The following SLC35D2 variants were observed in gnomAD, a reference collection of about 807,000 sequenced individuals.
The protein encoded by SLC35D2 is nucleotide sugar transporter SLC35D2.
In SLC35D2, 43 loss-of-function variants were observed where a neutral mutation model predicts 41.8. The ratio of observed to expected loss-of-function variants is 1.03; its 90% CI spans 0.81 to 1.33. The LOEUF (loss-of-function observed/expected upper bound fraction) is 1.33, where lower values mean the gene tolerates loss of function less well. Ranked by LOEUF, SLC35D2 falls within the 40% of genes most tolerant of loss-of-function variation. SLC35D2 has a pLI of 0.00. For missense variants in SLC35D2, 380 were observed against 408.4 expected, an observed-to-expected ratio of 0.93 and a Z score of 0.60; for synonymous variants, 150 against 163.9, an observed-to-expected ratio of 0.92 and a Z score of 0.65.
chr9:96,349,420 C>G (rs10122107), intron 6 of SLC35D2, among the ~76,000 whole-genome samples: 35,859 of 152,138 alleles, frequency 0.24, 5,910 homozygotes, highest in African/African-American at 0.48. Flanking sequence ...TATAGAAGCA[C>G]CTGCACCCCA....
intron 2 of SLC35D2, 75 bp downstream of exon 2, chr9:96,368,197 A>T: frequency 1.6e-6 from 2 of 1,253,428 alleles, no homozygotes; most frequent in Non-Finnish European, 2.3e-6. Flanking sequence ...CCACAGCTTT[A>T]AACAAAAGGA....
intron 1 of SLC35D2, among the ~76,000 whole-genome samples, chr9:96,376,780 A>G (rs1346999359): frequency 2.6e-5 from 4 of 151,258 alleles, no homozygotes; most frequent in Non-Finnish European, 5.9e-5. Context: ...TAATTTTTGT[A>G]TTTTTAGTAG....
intron 9 of SLC35D2, among the ~76,000 whole-genome samples, chr9:96,333,622 G>A (rs1465248222): frequency 6.7e-6 from 1 of 150,218 alleles, no homozygotes; most frequent in Admixed American, 6.6e-5. Flanking sequence ...AAAAAAGTAT[G>A]CAATTGTAGA....
intron 1 of SLC35D2, among the ~76,000 whole-genome samples, chr9:96,381,490 A>C (rs1452517154): frequency 1.3e-5 from 2 of 151,452 alleles, no homozygotes; most frequent in Non-Finnish European, 2.9e-5. Flanking sequence ...TCCCCACCTC[A>C]CTCTGGTCTT....
chr9:96,374,261 T>C (rs1489803343), intron 1 of SLC35D2, among the ~76,000 whole-genome samples: 1 of 152,166 alleles, frequency 6.6e-6, no homozygotes, highest in Non-Finnish European at 1.5e-5. Context: ...CCGGGTGTGG[T>C]GGCTCACGCA....
chr9:96,348,887 G>A (rs569262068), intron 6 of SLC35D2, among the ~76,000 whole-genome samples: 42 of 152,284 alleles, frequency 2.8e-4, no homozygotes, highest in African/African-American at 9.9e-4. Context: ...TAACTGAAGG[G>A]CCATTCCTCA....
At chr9:96,317,586 C>T (rs2130816798), downstream of SLC35D2, among the ~76,000 whole-genome samples, 1 of 152,256 alleles carries the variant, frequency 6.6e-6, no homozygotes, top group South Asian at 2.1e-4. Context: ...TCTTAAAACA[C>T]ATCTTTAAGA....
intron 8 of SLC35D2, among the ~76,000 whole-genome samples, chr9:96,338,635 T>C (rs1829165681): frequency 6.6e-6 from 1 of 152,230 alleles, no homozygotes; most frequent in African/African-American, 2.4e-5. Flanking sequence ...GAGTTTGTCA[T>C]GTCACTCCGT....
intron 1 of SLC35D2, among the ~76,000 whole-genome samples, chr9:96,380,217 G>T (rs372210773): frequency 3.3e-5 from 5 of 151,644 alleles, no homozygotes; most frequent in African/African-American, 1.2e-4. Context: ...TTCTTAGGAG[G>T]TGTCTTATAT....
At chr9:96,367,293 T>C (rs1174677835) in intron 2 of SLC35D2, among the ~76,000 whole-genome samples, 2 of 151,100 alleles carry the variant, frequency 1.3e-5, no homozygotes, top group Admixed American at 6.6e-5. Context: ...CAATTAAAAA[T>C]TTAGTTAACA....
At chr9:96,328,708 C>G (rs942597791) in intron 9 of SLC35D2, among the ~76,000 whole-genome samples, 1 of 152,148 alleles carries the variant, frequency 6.6e-6, no homozygotes, top group Non-Finnish European at 1.5e-5. Context: ...CGTTCCCTGC[C>G]CCAACAAATA....
rs1829060274 is a variant in SLC35D2 at position 96,336,585 on chromosome 9, T to C, written c.752+132A>G. The C allele has an allele frequency of 6.3e-6, 4 of 636,408 alleles. 1 individual carries two copies. In the South Asian group the frequency reaches 6.8e-5, roughly 11 times the overall value. 39.4% of individuals were successfully genotyped at this position (636,408 alleles called of 1,614,324 possible). ...CCTGGGTCCCTGACACCTCCTTTGC[T>C]GCAGGGGTACTTTCCAGAGAAAGTC... On this transcript the variant is annotated intron_variant, in intron 9 of 11. Coordinates refer to ENST00000253270, the MANE Select transcript of SLC35D2 (RefSeq NM_007001.3).
chr9:96,334,287 T>C (rs1828949603), intron 9 of SLC35D2, among the ~76,000 whole-genome samples: 2 of 152,108 alleles, frequency 1.3e-5, no homozygotes, highest in South Asian at 2.1e-4. Context: ...AAATACAACT[T>C]GTCCCTATAG....
chr9:96,344,201 A>T (rs2130909137), intron 7 of SLC35D2, among the ~76,000 whole-genome samples: 1 of 152,290 alleles, frequency 6.6e-6, no homozygotes, highest in South Asian at 2.1e-4. Flanking sequence ...GTTTTACACC[A>T]AAACTACAGA....
At chr9:96,316,027 T>C (rs1297171733), downstream of SLC35D2, among the ~76,000 whole-genome samples, 1 of 152,238 alleles carries the variant, frequency 6.6e-6, no homozygotes, top group African/African-American at 2.4e-5. Context: ...TTTAATTCTA[T>C]TGGTAACAAA....
At chr9:96,358,820 C>T (rs989273555) in intron 4 of SLC35D2, among the ~76,000 whole-genome samples, 2 of 151,872 alleles carry the variant, frequency 1.3e-5, no homozygotes, top group Non-Finnish European at 1.5e-5. Flanking sequence ...GAAACCCCGT[C>T]GTTACTAAAA....
Position 96,343,940 on chromosome 9 carries a change from A to T in SLC35D2, c.648T>A (p.Thr216=), listed in dbSNP as rs769096506. Residue 216 remains threonine, a synonymous_variant, in exon 8 of 12, where the codon ACT becomes ACA. Coordinates refer to ENST00000253270, the MANE Select transcript of SLC35D2 (RefSeq NM_007001.3). ...CTCCAGTGGAGACACTAATAATAAG[A>T]GTTGGGATAATCATGAAGCAGGCAT... is the stretch of plus-strand genomic sequence containing the variant. ...FYNACFMIIP[T]LIISVSTGDL... is the part of the protein sequence containing the mutation. The T allele has an allele frequency of 1.3e-6, 2 of 1,599,466 alleles. No individual in the cohort carries two copies. The highest frequency in any genetic ancestry group is 2.3e-5 in the South Asian group (2 of 88,458).
intron 7 of SLC35D2, 93 bp from the exon 8 acceptor site, chr9:96,344,089 G>A (rs1420416105): frequency 1.4e-6 from 1 of 692,308 alleles, no homozygotes; most frequent in African/African-American, 1.9e-5. Flanking sequence ...TTCATGCGAA[G>A]TTAGAATGTG....
chr9:96,353,337 G>A (rs1740999570), intron 4 of SLC35D2, among the ~76,000 whole-genome samples: 1 of 104,932 alleles, frequency 9.5e-6, no homozygotes, highest in African/African-American at 4.2e-5. Flanking sequence ...GAAAAGGGCT[G>A]CAAAGGATTA....
Sources: allele counts gnomAD v4.1 joint callset (sites outside exome capture counted in the v4.1 genomes callset), GRCh38; gene constraint gnomAD v4.1.1; transcripts MANE v1.5; gene names NCBI Gene and HGNC (gene_info 2026-07-23, HGNC 2026-07-21).